The following AFAP1 variants were observed in gnomAD, a reference collection of about 807,000 sequenced individuals.
AFAP1 encodes the protein actin filament associated protein 1.
Under a neutral mutation model 93.9 loss-of-function variants are expected in AFAP1, and 75 were observed. The observed-to-expected ratio is 0.80, with a 90% CI of 0.66 to 0.97. The LOEUF (loss-of-function observed/expected upper bound fraction) is 0.97, where lower values mean the gene tolerates loss of function less well. Ranked by LOEUF, AFAP1 falls within the 50% of genes least tolerant of loss-of-function variation. The pLI, the probability that AFAP1 is intolerant of heterozygous loss-of-function variation, is 0.00. For synonymous variants in AFAP1, 517 were observed against 430.7 expected, an observed-to-expected ratio of 1.20 and a Z score of -2.48; for missense variants, 1,201 against 1,050.8, an observed-to-expected ratio of 1.14 and a Z score of -1.98.
At chr4:7,838,464 A>G in intron 6 of AFAP1, 60 bp downstream of exon 6, 5 of 1,526,890 alleles carry the variant, frequency 3.3e-6, no homozygotes, top group Non-Finnish European at 4.4e-6. Context: ...TTAAAATTAA[A>G]ATGGATCTCA....
intron 4 of AFAP1, among the ~76,000 whole-genome samples, chr4:7,854,775 A>G (rs375902930): frequency 6.6e-6 from 1 of 152,134 alleles, no homozygotes; most frequent in African/African-American, 2.4e-5. Context: ...CAGGTATTCA[A>G]CTTTCTTATG....
intron 13 of AFAP1, 121 bp downstream of exon 13, chr4:7,781,255 G>GA (rs373270869): frequency 0.042 from 42,255 of 1,012,662 alleles, no homozygotes; most frequent in South Asian, 0.049. Context: ...TTCTAGTTGA[G>GA]AAAAAAAAAA....
intron 4 of AFAP1, among the ~76,000 whole-genome samples, chr4:7,844,336 C>T (rs1278583240): frequency 9.2e-5 from 14 of 152,120 alleles, no homozygotes; most frequent in African/African-American, 3.4e-4. Flanking sequence ...ACAGTGAGGA[C>T]TTAGCCATCT....
intron 1 of AFAP1, among the ~76,000 whole-genome samples, chr4:7,938,022 C>A (rs534495133): frequency 3.0e-4 from 45 of 152,166 alleles, no homozygotes; most frequent in Non-Finnish European, 5.3e-4. Context: ...CCATGTATTA[C>A]CCAAAGCCAA....
At chr4:7,858,394 G>C (rs183714221) in intron 3 of AFAP1, among the ~76,000 whole-genome samples, 3 of 152,076 alleles carry the variant, frequency 2.0e-5, no homozygotes, top group Non-Finnish European at 2.9e-5. Flanking sequence ...TACTGCTAAA[G>C]AATCACTCCA....
At chr4:7,878,465 C>CT (rs1717650588) in intron 1 of AFAP1, among the ~76,000 whole-genome samples, 1 of 152,242 alleles carries the variant, frequency 6.6e-6, no homozygotes, top group South Asian at 2.1e-4. Context: ...GACACAGGCT[C>CT]TATCCTTCTA....
At chr4:7,804,595 G>C (rs963178240) in intron 9 of AFAP1, among the ~76,000 whole-genome samples, 6 of 152,160 alleles carry the variant, frequency 3.9e-5, no homozygotes, top group Non-Finnish European at 8.8e-5. Flanking sequence ...GGGCGTCGCG[G>C]GTCTCAGTGC....
chr4:7,810,717 G>T (rs979304939), intron 8 of AFAP1, among the ~76,000 whole-genome samples: 6 of 152,218 alleles, frequency 3.9e-5, no homozygotes, highest in African/African-American at 1.4e-4. Flanking sequence ...TTGAAAGATG[G>T]AAGTCTAGCA....
intron 15 of AFAP1, 134 bp downstream of exon 15, chr4:7,774,605 A>G: frequency 7.7e-7 from 1 of 1,305,642 alleles, no homozygotes; most frequent in South Asian, 1.6e-5. Context: ...CCCAAGAAAC[A>G]CTGTGAGATA....
chr4:7,774,792 G>A lies in AFAP1; in HGVS notation c.2009C>T (p.Ala670Val), dbSNP rs1560149327. Residue 670 changes from alanine to valine, a missense_variant, in exon 15 of 18, where the codon GCC becomes GTC. Ala to Val is a moderately conservative substitution (Grantham distance 64). Coordinates refer to ENST00000420658, the MANE Select transcript of AFAP1 (RefSeq NM_001134647.2). ...KRKEALRNRL[A>V]QLRKERKDLR... is the part of the protein sequence containing the mutation. ...GTCTTTTCTTTCCTTGCGGAGCTGG[G>A]CCAGCCTATTCCGCAGGGCCTCTTT... The A allele has an allele frequency of 1.2e-6, 2 of 1,614,204 alleles. No individual in the cohort carries two copies. The highest frequency in any genetic ancestry group is 1.7e-6 in the Non-Finnish European group (2 of 1,180,040).
At chr4:7,791,598 C>T (rs1003523019) in intron 11 of AFAP1, among the ~76,000 whole-genome samples, 1 of 151,928 alleles carries the variant, frequency 6.6e-6, no homozygotes, top group Non-Finnish European at 1.5e-5. Context: ...AATCCTAGCA[C>T]TTTGGGAGGC....
At chr4:7,849,207 G>T (rs960227397) in intron 4 of AFAP1, among the ~76,000 whole-genome samples, 1 of 152,156 alleles carries the variant, frequency 6.6e-6, no homozygotes, top group Non-Finnish European at 1.5e-5. Flanking sequence ...CGTCTCTCTT[G>T]GTTTCTGACC....
At chr4:7,854,687 C>G (rs1186131792) in intron 4 of AFAP1, among the ~76,000 whole-genome samples, 1 of 151,138 alleles carries the variant, frequency 6.6e-6, no homozygotes. Flanking sequence ...GTACAGTCAG[C>G]AACTGCTCTG....
intron 3 of AFAP1, among the ~76,000 whole-genome samples, chr4:7,865,639 G>T (rs1482444791): frequency 2.0e-5 from 3 of 152,208 alleles, no homozygotes; most frequent in East Asian, 3.9e-4. Flanking sequence ...AACTATACTG[G>T]AAGAAGACAA....
intron 4 of AFAP1, among the ~76,000 whole-genome samples, chr4:7,853,759 G>A (rs1417522860): frequency 6.6e-6 from 1 of 152,198 alleles, no homozygotes; most frequent in Non-Finnish European, 1.5e-5. Context: ...TAACTGAGCT[G>A]ACAAGTCAAC....
chr4:7,938,305 A>C (rs1211915291), intron 1 of AFAP1, among the ~76,000 whole-genome samples: 3 of 152,204 alleles, frequency 2.0e-5, no homozygotes, highest in African/African-American at 7.2e-5. Flanking sequence ...TCTCTTGTTC[A>C]GAAAGAACTT....
At chr4:7,770,586 T>C (rs1049898739) in intron 16 of AFAP1, among the ~76,000 whole-genome samples, 1 of 151,906 alleles carries the variant, frequency 6.6e-6, no homozygotes, top group Non-Finnish European at 1.5e-5. Context: ...CAGAACCTTC[T>C]TTTTTTTAAG....
rs182885130 is a variant in AFAP1 at position 7,919,532 on chromosome 4, G to C, written c.-3+20124C>G. On this transcript the variant is annotated intron_variant, in intron 1 of 17. Coordinates refer to ENST00000420658, the MANE Select transcript of AFAP1 (RefSeq NM_001134647.2). ...CGATTGAGTTCTTATCAGAACATAC[G>C]AATATCCAGCCCTAAGAACAATAAA... Among the ~76,000 whole-genome samples, 620 of 152,230 alleles carry C rather than the reference G, an allele frequency of 4.1e-3. 2 individuals carry two copies. The highest frequency in any genetic ancestry group is 0.014 in the African/African-American group (597 of 41,540).
chr4:7,808,358 G>A (rs576799603), intron 9 of AFAP1, among the ~76,000 whole-genome samples: 15 of 152,168 alleles, frequency 9.9e-5, no homozygotes, highest in Middle Eastern at 3.4e-3. Flanking sequence ...ATCCTCTCAC[G>A]GCCTCTTGGG....
Sources: gnomAD v4.1 joint callset for allele counts (sites outside exome capture counted in the v4.1 genomes callset) on GRCh38, gnomAD v4.1.1 for gene constraint, MANE v1.5 for transcripts, NCBI Gene and HGNC (gene_info 2026-07-23, HGNC 2026-07-21) for gene names.